APBA2: variants seen among roughly 807,000 people sequenced by gnomAD.
APBA2 encodes amyloid-beta A4 precursor protein-binding family A member 2.
In APBA2, 30 loss-of-function variants were observed where a neutral mutation model predicts 75.0. That is an observed-to-expected ratio of 0.40 (90% CI 0.30 to 0.54). APBA2 has a LOEUF of 0.54. APBA2 is among the 20% of genes least tolerant of loss of function. APBA2 has a pLI of 0.49. For synonymous variants in APBA2, 444 were observed against 409.6 expected, an observed-to-expected ratio of 1.08 and a Z score of -1.01; for missense variants, 801 against 1,016.1, an observed-to-expected ratio of 0.79 and a Z score of 2.88.
intron 2 of APBA2, among the ~76,000 whole-genome samples, chr15:28,984,244 G>A (rs544592138): frequency 6.6e-6 from 1 of 152,110 alleles, no homozygotes; most frequent in African/African-American, 2.4e-5. Context: ...GGGAGTGAGG[G>A]CAGGGGGAGC....
intron 9 of APBA2, among the ~76,000 whole-genome samples, chr15:29,099,294 A>G (rs1409796657): frequency 6.6e-6 from 1 of 152,174 alleles, no homozygotes; most frequent in Non-Finnish European, 1.5e-5. Flanking sequence ...TGGAGGACTG[A>G]CAGGACTCAG....
At chr15:29,016,858 G>A (rs1428769018) in intron 3 of APBA2, among the ~76,000 whole-genome samples, 1 of 151,832 alleles carries the variant, frequency 6.6e-6, no homozygotes, top group Non-Finnish European at 1.5e-5. Flanking sequence ...CCTGCATTTT[G>A]TCTCTTTCTA....
chr15:28,973,825 A>G (rs1438838064), intron 2 of APBA2, among the ~76,000 whole-genome samples: 1 of 152,234 alleles, frequency 6.6e-6, no homozygotes, highest in Non-Finnish European at 1.5e-5. Flanking sequence ...GGAAAGTGGT[A>G]ACATTGTTTG....
At chr15:29,073,076 G>A (rs369990361) in intron 4 of APBA2, among the ~76,000 whole-genome samples, 7 of 152,172 alleles carry the variant, frequency 4.6e-5, no homozygotes, top group East Asian at 1.9e-4. Flanking sequence ...CCTGGGGCAC[G>A]GCATATCTGC....
intron 2 of APBA2, among the ~76,000 whole-genome samples, chr15:28,978,278 G>A (rs1190111968): frequency 2.6e-5 from 4 of 152,204 alleles, no homozygotes; most frequent in East Asian, 1.9e-4. Context: ...CGCATGATCC[G>A]TGAGCCTGGC....
chr15:29,080,065 G>A (rs1773246077), intron 6 of APBA2, among the ~76,000 whole-genome samples: 1 of 152,162 alleles, frequency 6.6e-6, no homozygotes. Flanking sequence ...CCATGTCTTG[G>A]TGCTTGACAC....
rs368931245 is a variant in APBA2 at position 29,101,752 on chromosome 15, A to G, written c.1492A>G (p.Lys498Glu). ...PGAQEGKKQY[K>E]MICHVFESED... is the part of the protein sequence containing the mutation. ...GGCCCAGGAAGGCAAGAAGCAGTAT[A>G]AGATGATCTGCCATGTGTTCGAGTC... is the stretch of plus-strand genomic sequence containing the variant. Residue 498 changes from lysine to glutamate, a missense_variant, in exon 10 of 15, where the codon AAG becomes GAG. Lys to Glu is a moderately conservative substitution (Grantham distance 56). Around this residue, in one of 2 missense-constraint regions of APBA2, gnomAD observed 367 missense variants for 544.5 expected, o/e 0.67. Coordinates refer to ENST00000683413, the MANE Select transcript of APBA2 (RefSeq NM_001353788.2). 1.2e-6 allele frequency: 2 copies of G among 1,613,512 alleles called. No individual in the cohort carries two copies. Among genetic ancestry groups the G allele is most frequent in the Non-Finnish European group, 8.5e-7 (1 of 1,180,008 alleles).
intron 2 of APBA2, among the ~76,000 whole-genome samples, chr15:28,957,318 G>T (rs1268781009): frequency 6.6e-6 from 1 of 151,940 alleles, no homozygotes; most frequent in Non-Finnish European, 1.5e-5. Flanking sequence ...CTCGTGATCC[G>T]CCCGCCTCGG....
At chr15:29,080,661 T>C (rs2043047744) in intron 6 of APBA2, among the ~76,000 whole-genome samples, 1 of 152,180 alleles carries the variant, frequency 6.6e-6, no homozygotes, top group Admixed American at 6.5e-5. Context: ...TGTCCCCTCC[T>C]ACAGGACGTG....
intron 5 of APBA2, 84 bp downstream of exon 5, chr15:29,075,085 T>C: frequency 9.7e-7 from 1 of 1,028,772 alleles, no homozygotes; most frequent in East Asian, 2.6e-5. Flanking sequence ...TCTGCTCACT[T>C]TGTCCATGAT....
At chr15:28,962,299 C>T (rs547087099) in intron 2 of APBA2, among the ~76,000 whole-genome samples, 193 of 152,038 alleles carry the variant, frequency 1.3e-3, no homozygotes, top group African/African-American at 4.4e-3. Context: ...CGGCTGGGCG[C>T]GGTGGCTCAC....
At chr15:28,949,247 G>A (rs1488700203) in intron 2 of APBA2, among the ~76,000 whole-genome samples, 4 of 152,170 alleles carry the variant, frequency 2.6e-5, no homozygotes, top group East Asian at 1.9e-4. Context: ...ACTTGGGCAG[G>A]TGTGTATTCA....
At chr15:28,912,288 TG>T (rs2033465681) in intron 1 of APBA2, among the ~76,000 whole-genome samples, 1 of 152,234 alleles carries the variant, frequency 6.6e-6, no homozygotes, top group South Asian at 2.1e-4. Flanking sequence ...AGAGACTTTG[TG>T]TTTCTGGGAA....
intron 1 of APBA2, among the ~76,000 whole-genome samples, chr15:28,908,930 A>G (rs1412848607): frequency 1.3e-5 from 2 of 151,702 alleles, no homozygotes; most frequent in Admixed American, 6.6e-5. Context: ...TGTGTCCATT[A>G]AACACTAACT....
At chr15:28,933,245 T>A (rs959796491) in intron 2 of APBA2, among the ~76,000 whole-genome samples, 2 of 152,130 alleles carry the variant, frequency 1.3e-5, no homozygotes, top group African/African-American at 4.8e-5. Flanking sequence ...ACATTCCAAC[T>A]ATAGCAGTGG....
At chr15:29,115,336 C>A (rs2045028452) in intron 14 of APBA2, among the ~76,000 whole-genome samples, 1 of 152,068 alleles carries the variant, frequency 6.6e-6, no homozygotes, top group African/African-American at 2.4e-5. Context: ...GTATTTTGTG[C>A]ACTGCAGGGT....
At chr15:28,936,099 A>G (rs906030465) in intron 2 of APBA2, among the ~76,000 whole-genome samples, 2 of 152,230 alleles carry the variant, frequency 1.3e-5, no homozygotes, top group African/African-American at 4.8e-5. Flanking sequence ...AGTAGAAAAT[A>G]GACGCAGAGT....
rs200859134 is a variant in APBA2, at chr15:29,075,020, G to A, written c.1032+19G>A. 4.1e-5 allele frequency: 65 copies of A among 1,588,568 alleles called. No homozygotes were observed. The South Asian group carries it at 7.0e-4, about 17-fold the overall frequency. ...TCCAGAGGTAATTTTTTTCAAGGATGAGAGTTCTGGGCTGGAACACTCATC... is the reference window on the plus strand; with the variant it reads ...TCCAGAGGTAATTTTTTTCAAGGATAAGAGTTCTGGGCTGGAACACTCATC... On this transcript the variant is annotated intron_variant, in intron 5 of 14. Coordinates refer to ENST00000683413, the MANE Select transcript of APBA2 (RefSeq NM_001353788.2).
intron 2 of APBA2, among the ~76,000 whole-genome samples, chr15:28,971,773 C>T (rs2037082265): frequency 6.6e-6 from 1 of 152,188 alleles, no homozygotes; most frequent in African/African-American, 2.4e-5. Context: ...CATGGCTGAA[C>T]CATGTTCCTG....
Sources: gnomAD v4.1 joint callset for allele counts (sites outside exome capture counted in the v4.1 genomes callset) on GRCh38, gnomAD v4.1.1 for gene constraint, gnomAD v4.1.1 regional missense constraint, MANE v1.5 for transcripts, NCBI Gene and HGNC (gene_info 2026-07-23, HGNC 2026-07-21) for gene names.